The following XYLT1 variants were observed in gnomAD, a reference collection of about 807,000 sequenced individuals.
The protein encoded by XYLT1 is xylosyltransferase 1, also known as beta-D-xylosyltransferase 1.
In XYLT1, 36 loss-of-function variants were observed where a neutral mutation model predicts 91.3. The observed-to-expected ratio is 0.39, with a 90% CI of 0.30 to 0.52. The LOEUF is 0.52. Among genes scored for constraint, XYLT1 ranks in the 20% least tolerant of loss-of-function variants. The pLI, the probability that XYLT1 is intolerant of heterozygous loss-of-function variation, is 0.68. For synonymous variants in XYLT1, 588 were observed against 532.0 expected (o/e 1.11, Z -1.45); for missense variants, 1,242 against 1,284.5 (o/e 0.97, Z 0.51).
chr16:17,317,383 A>G (rs937696772), intron 2 of XYLT1, among the ~76,000 whole-genome samples: 10 of 152,052 alleles, frequency 6.6e-5, no homozygotes, highest in Non-Finnish European at 1.5e-4. Context: ...CTGTCATCTC[A>G]GCACTTTGGG....
In XYLT1 at chr16:17,161,076, C is replaced by A. The variant is rs1009975404; in HGVS notation, c.1290-2167G>T. ...GAGGATTGAAGGGGCCGGGCCGGGG[C>A]TCCTGGGCCCCCTTCTCGTGAAGCC... On this transcript the variant is annotated intron_variant, in intron 5 of 11. Coordinates refer to ENST00000261381, the MANE Select transcript of XYLT1 (RefSeq NM_022166.4). 2.0e-5 allele frequency among the ~76,000 whole-genome samples: 3 copies of A among 152,186 alleles called. No individual in the cohort carries two copies. The South Asian group carries it at 6.2e-4, about 32-fold the overall frequency.
chr16:17,338,914 A>G (rs1485871124), intron 2 of XYLT1, among the ~76,000 whole-genome samples: 1 of 152,232 alleles, frequency 6.6e-6, no homozygotes, highest in African/African-American at 2.4e-5. Context: ...GAAGCCTTCC[A>G]GGAGTGTTCT....
chr16:17,341,176 G>A (rs974605837), intron 2 of XYLT1, among the ~76,000 whole-genome samples: 1 of 152,056 alleles, frequency 6.6e-6, no homozygotes, highest in African/African-American at 2.4e-5. Context: ...ATCGAGCAAA[G>A]GTGTATTTAC....
chr16:17,265,188 A>G (rs893616853), intron 2 of XYLT1, among the ~76,000 whole-genome samples: 6 of 152,140 alleles, frequency 3.9e-5, no homozygotes, highest in African/African-American at 1.4e-4. Context: ...CTCTGTCTCA[A>G]AACAAACAAA....
intron 3 of XYLT1, among the ~76,000 whole-genome samples, chr16:17,236,568 TG>T (rs1250495271): frequency 2.6e-5 from 4 of 152,074 alleles, no homozygotes; most frequent in African/African-American, 9.7e-5. Flanking sequence ...GTCACACAGC[TG>T]GGGGGCTTAA....
intron 1 of XYLT1, among the ~76,000 whole-genome samples, chr16:17,450,970 G>A (rs930121029): frequency 1.3e-5 from 2 of 152,234 alleles, no homozygotes; most frequent in African/African-American, 4.8e-5. Context: ...TGCAGGGGCA[G>A]GTGGGGAATC....
chr16:17,127,884 ATT>A (rs1319742769), intron 9 of XYLT1, 23 bp from the exon 10 acceptor site: 1 of 1,608,612 alleles, frequency 6.2e-7, no homozygotes, highest in Admixed American at 1.7e-5. Flanking sequence ...GCGCTCATGC[ATT>A]AGGGCCCAAG....
chr16:17,361,653 C>T (rs532394388), intron 1 of XYLT1, among the ~76,000 whole-genome samples: 2 of 152,330 alleles, frequency 1.3e-5, no homozygotes, highest in South Asian at 2.1e-4. Flanking sequence ...CCATCAGGAT[C>T]TTGCATGCCT....
chr16:17,190,210 G>C (rs189827959), intron 5 of XYLT1, among the ~76,000 whole-genome samples: 1 of 152,146 alleles, frequency 6.6e-6, no homozygotes, highest in African/African-American at 2.4e-5. Context: ...ATTAGAGAGC[G>C]TACGGTTGCC....
At chr16:17,201,886 G>A (rs1335131863) in intron 3 of XYLT1, among the ~76,000 whole-genome samples, 1 of 152,108 alleles carries the variant, frequency 6.6e-6, no homozygotes, top group African/African-American at 2.4e-5. Flanking sequence ...CATTGCCAAG[G>A]GGGGATGAGG....
At chr16:17,455,519 G>C (rs1053249151) in intron 1 of XYLT1, among the ~76,000 whole-genome samples, 7 of 152,038 alleles carry the variant, frequency 4.6e-5, no homozygotes, top group African/African-American at 1.4e-4. Context: ...GGGAGGCCTA[G>C]GTGGGCGAAT....
chr16:17,308,889 T>G (rs1046322572), intron 2 of XYLT1, among the ~76,000 whole-genome samples: 2 of 152,076 alleles, frequency 1.3e-5, no homozygotes, highest in African/African-American at 4.8e-5. Context: ...CAAAGAGCAT[T>G]TAGCGCAGTG....
At chr16:17,419,907 A>G (rs1354086972) in intron 1 of XYLT1, among the ~76,000 whole-genome samples, 2 of 152,228 alleles carry the variant, frequency 1.3e-5, no homozygotes, top group Non-Finnish European at 2.9e-5. Context: ...GGTCACTCAT[A>G]GCAAGGATAA....
chr16:17,354,589 C>G (rs1431016818), intron 2 of XYLT1: 1 of 152,350 alleles, frequency 6.6e-6, no homozygotes, highest in East Asian at 1.9e-4. Context: ...GGCAGGCTAA[C>G]CTGTGACAGC....
chr16:17,205,033 A>T (rs2032616919), intron 3 of XYLT1, among the ~76,000 whole-genome samples: 1 of 152,162 alleles, frequency 6.6e-6, no homozygotes, highest in South Asian at 2.1e-4. Flanking sequence ...CAAAACAGAA[A>T]ATAAGTGGAA....
chr16:17,146,298 G>A (rs1567295300), intron 6 of XYLT1, among the ~76,000 whole-genome samples: 2 of 152,320 alleles, frequency 1.3e-5, no homozygotes, highest in East Asian at 3.9e-4. Context: ...ATGAAATGGC[G>A]ATGACGGTAA....
At chr16:17,242,390 C>G (rs1188882252) in intron 3 of XYLT1, among the ~76,000 whole-genome samples, 1 of 152,170 alleles carries the variant, frequency 6.6e-6, no homozygotes, top group Non-Finnish European at 1.5e-5. Context: ...TTGTCAATCC[C>G]TATGTTAAAG....
At chr16:17,374,406 C>T (rs897109564) in intron 1 of XYLT1, among the ~76,000 whole-genome samples, 2 of 150,402 alleles carry the variant, frequency 1.3e-5, no homozygotes, top group East Asian at 3.9e-4. Context: ...TCATCAGGAT[C>T]AGCCTTCACT....
At chr16:17,316,188 C>T (rs1446180948) in intron 2 of XYLT1, among the ~76,000 whole-genome samples, 2 of 152,150 alleles carry the variant, frequency 1.3e-5, no homozygotes, top group South Asian at 4.2e-4. Context: ...GGAAATTAAG[C>T]TTATTGACTC....
Sources: allele counts gnomAD v4.1 joint callset (sites outside exome capture counted in the v4.1 genomes callset), GRCh38; gene constraint gnomAD v4.1.1; transcripts MANE v1.5; gene names NCBI Gene and HGNC (gene_info 2026-07-23, HGNC 2026-07-21).